SIPA1L2: variants seen among roughly 807,000 people sequenced by gnomAD.
SIPA1L2 encodes the protein signal induced proliferation associated 1 like 2, also known as signal-induced proliferation-associated 1-like protein 2.
In SIPA1L2, 56 loss-of-function variants were observed where a neutral mutation model predicts 163.9. The ratio of observed to expected loss-of-function variants is 0.34; its 90% CI spans 0.28 to 0.43. SIPA1L2 has a LOEUF of 0.43. Among genes scored for constraint, SIPA1L2 ranks in the 20% least tolerant of loss-of-function variants. The probability of loss-of-function intolerance (pLI) is 1.00; values close to 1 mark genes in which losing one functional copy is unlikely to be tolerated. For missense variants in SIPA1L2, 1,974 were observed against 2,193.5 expected (o/e 0.90, Z 2.00); for synonymous variants, 877 against 865.7 (o/e 1.01, Z -0.23).
At chr1:232,566,811 T>C (rs1042172837) in intron 2 of SIPA1L2, among the ~76,000 whole-genome samples, 24 of 152,368 alleles carry the variant, frequency 1.6e-4, no homozygotes, top group African/African-American at 5.8e-4. Flanking sequence ...GTCAATTCAT[T>C]TGAGTGTGAG....
chr1:232,404,816 A>G (rs1328196971), intron 19 of SIPA1L2, among the ~76,000 whole-genome samples: 1 of 151,868 alleles, frequency 6.6e-6, no homozygotes, highest in African/African-American at 2.4e-5. Flanking sequence ...AGAACCTCGC[A>G]ATCTATTCCA....
intron 2 of SIPA1L2, among the ~76,000 whole-genome samples, chr1:232,532,901 G>A (rs1657064425): frequency 6.6e-6 from 1 of 152,176 alleles, no homozygotes. Flanking sequence ...GTGGAACTAA[G>A]GTCCCTGAAA....
intron 2 of SIPA1L2, among the ~76,000 whole-genome samples, chr1:232,564,159 T>TC (rs1207559348): frequency 1.9e-4 from 6 of 32,136 alleles, no homozygotes; most frequent in Non-Finnish European, 3.5e-4. Flanking sequence ...CGTGTGTGTG[T>TC]GTGTGTGTGT....
chr1:232,494,553 A>G (rs1208364034), intron 3 of SIPA1L2, among the ~76,000 whole-genome samples: 2 of 152,264 alleles, frequency 1.3e-5, no homozygotes, highest in African/African-American at 2.4e-5. Flanking sequence ...CCTTCAAATG[A>G]CATGAAGCTT....
At chr1:232,569,554 T>C (rs1659598814) in intron 2 of SIPA1L2, among the ~76,000 whole-genome samples, 1 of 152,212 alleles carries the variant, frequency 6.6e-6, no homozygotes, top group South Asian at 2.1e-4. Flanking sequence ...GGCTCACACC[T>C]GTAATCCCAG....
At chr1:232,480,154 C>CGTGTGT (rs536840154) in intron 6 of SIPA1L2, among the ~76,000 whole-genome samples, 10,925 of 132,618 alleles carry the variant, frequency 0.082, 423 homozygotes, top group Middle Eastern at 0.14. Flanking sequence ...TGTGTGTGTG[C>CGTGTGT]GTGTGTGTGT....
intron 2 of SIPA1L2, among the ~76,000 whole-genome samples, chr1:232,562,816 C>T (rs756798515): frequency 1.7e-4 from 26 of 152,300 alleles, no homozygotes; most frequent in Non-Finnish European, 3.2e-4. Context: ...AAATGCTTCA[C>T]GTGTTCACTT....
intron 1 of SIPA1L2, among the ~76,000 whole-genome samples, chr1:232,585,794 G>T (rs769249929): frequency 2.6e-5 from 4 of 152,016 alleles, no homozygotes; most frequent in Non-Finnish European, 4.4e-5. Context: ...CAAATCAAAG[G>T]GCTTATAGCA....
At chr1:232,552,483 G>A (rs1196576478) in intron 2 of SIPA1L2, among the ~76,000 whole-genome samples, 2 of 151,698 alleles carry the variant, frequency 1.3e-5, no homozygotes, top group African/African-American at 4.8e-5. Context: ...GGATCCTTCT[G>A]CCTCAGCCTC....
chr1:232,582,703 C>T (rs1277328444), intron 1 of SIPA1L2, among the ~76,000 whole-genome samples: 2 of 152,120 alleles, frequency 1.3e-5, no homozygotes, highest in Non-Finnish European at 2.9e-5. Context: ...AATGGTAGTT[C>T]TAAGGTCTTT....
At chr1:232,476,878 AGT>A (rs1301744892) in intron 7 of SIPA1L2, among the ~76,000 whole-genome samples, 1 of 152,228 alleles carries the variant, frequency 6.6e-6, no homozygotes, top group East Asian at 1.9e-4. Flanking sequence ...CACCAACTGT[AGT>A]GTAAGAAGCC....
At chr1:232,516,070 C>T (rs1377680196) in intron 2 of SIPA1L2, among the ~76,000 whole-genome samples, 1 of 152,168 alleles carries the variant, frequency 6.6e-6, no homozygotes, top group Non-Finnish European at 1.5e-5. Flanking sequence ...GAATTGGCTA[C>T]AAGAGCAGCA....
In SIPA1L2 at chr1:232,439,358, C is replaced by T. The variant is rs1662754183; in HGVS notation, c.3781G>A (p.Ala1261Thr). 1 of 1,614,082 alleles carries T rather than the reference C, an allele frequency of 6.2e-7. No individual in the cohort carries two copies. Among genetic ancestry groups the T allele is most frequent in the Non-Finnish European group, 8.5e-7 (1 of 1,180,058 alleles). The change falls in exon 15 of 23, where the codon GCC (alanine) becomes ACC (threonine). Residue 1261 changes from alanine to threonine, a missense_variant. Physicochemically the swap from Ala to Thr is moderately conservative, Grantham distance 58. Transcript: ENST00000674635. ...GTGTCGATGCCACTGTCGGTGGAGGCCCCTTTGATGTAGGTCAGCCCCAGT... is the reference window on the plus strand; with the variant it reads ...GTGTCGATGCCACTGTCGGTGGAGGTCCCTTTGATGTAGGTCAGCCCCAGT... ...ELLGLTYIKG[A>T]STDSGIDTAP...
In SIPA1L2 at chr1:232,498,356, A is replaced by G. The variant is rs879773497; in HGVS notation, c.1484-4696T>C. On this transcript the variant is annotated intron_variant, in intron 3 of 22. Transcript: ENST00000674635. ...TTTCTCTCAGTGACCGGAGCAATAC[A>G]ATTTCTTGAAGTATTTATAAAACTG... Among the ~76,000 whole-genome samples the G allele has an allele frequency of 1.1e-4, 17 of 152,322 alleles. No individual in the cohort carries two copies. In the East Asian group the frequency reaches 2.9e-3, roughly 26 times the overall value.
intron 2 of SIPA1L2, among the ~76,000 whole-genome samples, chr1:232,528,102 A>ATATATATATATATATATATATATATATT (rs34779799): frequency 8.4e-6 from 1 of 118,498 alleles, no homozygotes. Context: ...ATATATATAT[A>ATATATATATATATATATATATATATATT]ATCAACTTTC....
chr1:232,527,725 C>CTTTTTTTTTTTTTTTTTTTTT (rs57868657), intron 2 of SIPA1L2, among the ~76,000 whole-genome samples: 3 of 80,948 alleles, frequency 3.7e-5, no homozygotes, highest in Non-Finnish European at 4.2e-5. Flanking sequence ...TCTTCTTCTT[C>CTTTTTTTTTTTTTTTTTTTTT]TTTTTTTTTT....
intron 2 of SIPA1L2, among the ~76,000 whole-genome samples, chr1:232,563,552 T>G (rs1266685067): frequency 6.6e-6 from 1 of 152,196 alleles, no homozygotes; most frequent in African/African-American, 2.4e-5. Flanking sequence ...TGAATATGGC[T>G]TTCAAGTTTC....
intron 18 of SIPA1L2, among the ~76,000 whole-genome samples, chr1:232,417,034 T>C (rs1366611682): frequency 6.6e-6 from 1 of 152,180 alleles, no homozygotes. Context: ...TGTGAACACA[T>C]CTGACTAATT....
chr1:232,625,961 T>C (rs143802140), intron 1 of SIPA1L2, among the ~76,000 whole-genome samples: 14 of 152,278 alleles, frequency 9.2e-5, no homozygotes, highest in African/African-American at 3.1e-4. Context: ...CATTGACCCA[T>C]GCAAAAGAAA....
Sources: gnomAD v4.1 joint callset for allele counts (sites outside exome capture counted in the v4.1 genomes callset) on GRCh38, gnomAD v4.1.1 for gene constraint, MANE v1.5 for transcripts, NCBI Gene and HGNC (gene_info 2026-07-23, HGNC 2026-07-21) for gene names.